The following ANKS1A variants were observed in gnomAD, a reference collection of about 807,000 sequenced individuals.
ANKS1A encodes ankyrin repeat and sterile alpha motif domain containing 1A, also known as ankyrin repeat and SAM domain-containing protein 1A.
ANKS1A carries 55 observed loss-of-function variants against 120.3 expected under a neutral mutation model. The ratio of observed to expected loss-of-function variants is 0.46; its 90% CI spans 0.37 to 0.57. The LOEUF is 0.57. ANKS1A is among the 20% of genes least tolerant of loss of function. The pLI is 0.00. For synonymous variants in ANKS1A, 590 were observed against 604.7 expected (o/e 0.98, Z 0.36); for missense variants, 1,123 against 1,480.3 (o/e 0.76, Z 3.96).
At chr6:35,073,697 A>C (rs143960751) in intron 13 of ANKS1A, among the ~76,000 whole-genome samples, 6 of 152,362 alleles carry the variant, frequency 3.9e-5, no homozygotes, top group Non-Finnish European at 5.9e-5. Flanking sequence ...CTAATTATAG[A>C]AGTGTCCTGC....
intron 1 of ANKS1A, among the ~76,000 whole-genome samples, chr6:34,919,127 C>T (rs534784955): frequency 2.8e-4 from 42 of 152,358 alleles, no homozygotes; most frequent in African/African-American, 9.4e-4. Context: ...GCTGGGATTA[C>T]AGGCATGAGT....
intron 1 of ANKS1A, among the ~76,000 whole-genome samples, chr6:34,904,386 A>C (rs1767529521): frequency 1.3e-5 from 2 of 152,104 alleles, no homozygotes; most frequent in Non-Finnish European, 2.9e-5. Context: ...TCGAGGGCTA[A>C]CTGTATTATG....
intron 1 of ANKS1A, among the ~76,000 whole-genome samples, chr6:34,935,700 G>A (rs1769211888): frequency 6.6e-6 from 1 of 152,160 alleles, no homozygotes; most frequent in South Asian, 2.1e-4. Flanking sequence ...GGTACTTAAC[G>A]TGTTCAGCTG....
intron 12 of ANKS1A, 58 bp downstream of exon 12, chr6:35,054,223 C>T: frequency 1.3e-6 from 2 of 1,529,222 alleles, no homozygotes; most frequent in Non-Finnish European, 9.1e-7. Context: ...TCTTTTCTGG[C>T]TCAGGCTTTC....
chr6:35,011,296 A>G (rs1773745042), intron 10 of ANKS1A, among the ~76,000 whole-genome samples: 1 of 152,234 alleles, frequency 6.6e-6, no homozygotes, highest in Non-Finnish European at 1.5e-5. Flanking sequence ...ATGAATACCC[A>G]CTACAAGAAC....
At chr6:35,029,649 C>T (rs912280376) in intron 11 of ANKS1A, among the ~76,000 whole-genome samples, 1 of 151,154 alleles carries the variant, frequency 6.6e-6, no homozygotes, top group Admixed American at 6.6e-5. Flanking sequence ...GGCGCCCAGT[C>T]GACTTCTGCA....
At chr6:34,956,953 C>T (rs531644538) in intron 1 of ANKS1A, among the ~76,000 whole-genome samples, 17 of 152,304 alleles carry the variant, frequency 1.1e-4, no homozygotes, top group African/African-American at 3.6e-4. Flanking sequence ...TTTTCAGCCC[C>T]TCCCCGTCCC....
chr6:34,961,188 C>T (rs1336883733), intron 1 of ANKS1A, among the ~76,000 whole-genome samples: 3 of 152,150 alleles, frequency 2.0e-5, no homozygotes, highest in South Asian at 2.1e-4. Context: ...TTTTGTTTGT[C>T]GGTGAGCAGC....
At chr6:35,047,676 G>A (rs948716851) in intron 11 of ANKS1A, among the ~76,000 whole-genome samples, 3 of 152,218 alleles carry the variant, frequency 2.0e-5, no homozygotes, top group Non-Finnish European at 2.9e-5. Flanking sequence ...ATAACCCAGA[G>A]TTATGTGGCA....
intron 1 of ANKS1A, among the ~76,000 whole-genome samples, chr6:34,945,910 CTCTTTT>C (rs1163070105): frequency 6.6e-6 from 1 of 151,594 alleles, no homozygotes; most frequent in Non-Finnish European, 1.5e-5. Context: ...GTGATGGCTT[CTCTTTT>C]TCTTTTTGAT....
chr6:35,012,723 C>G (rs989179143), intron 10 of ANKS1A, among the ~76,000 whole-genome samples: 8 of 152,208 alleles, frequency 5.3e-5, no homozygotes, highest in Non-Finnish European at 1.0e-4. Flanking sequence ...GCTTCAGTAG[C>G]TCACAGGGTA....
Position 34,899,570 on chromosome 6 carries a change from C to T in ANKS1A, c.197+9971C>T, listed in dbSNP as rs528210990. Among the ~76,000 whole-genome samples, 6 of 152,156 alleles carry T rather than the reference C, an allele frequency of 3.9e-5. No homozygotes were observed. In the East Asian group the frequency reaches 5.8e-4, roughly 15 times the overall value. On this transcript the variant is annotated intron_variant, in intron 1 of 23. Coordinates refer to ENST00000360359, the MANE Select transcript of ANKS1A (RefSeq NM_015245.3). The stretch of plus-strand genomic sequence containing the variant: ...GTCTTGCTATGTTGCCCAGTCTGGA[C>T]GCAAATTTATTTTTTCTTTTAAATT...
At position 35,023,340 on chromosome 6, in the gene ANKS1A, C is replaced by G. The variant is rs190424059; in HGVS notation, c.2010+5281C>G. Among the ~76,000 whole-genome samples the G allele has an allele frequency of 8.3e-4, 126 of 152,292 alleles. 1 individual carries two copies. Among genetic ancestry groups the G allele is most frequent in the African/African-American group, 2.9e-3 (120 of 41,566 alleles). On this transcript the variant is annotated intron_variant, in intron 11 of 23. Transcript: ENST00000360359. ...GATACAGCAGTTTTTGGCACTGTTT[C>G]TATCAACTCTGAGCAAGCATAGATG...
intron 11 of ANKS1A, among the ~76,000 whole-genome samples, chr6:35,021,783 C>T (rs1442768968): frequency 1.3e-5 from 2 of 151,936 alleles, no homozygotes; most frequent in East Asian, 1.9e-4. Context: ...GTCAGGAGTT[C>T]GAGACCAGCC....
intron 11 of ANKS1A, among the ~76,000 whole-genome samples, chr6:35,031,187 G>A (rs1202972582): frequency 6.6e-6 from 1 of 151,912 alleles, no homozygotes; most frequent in Non-Finnish European, 1.5e-5. Context: ...GCTTTATCCT[G>A]TGATTTCTGC....
At chr6:34,920,810 A>G (rs1320894484) in intron 1 of ANKS1A, among the ~76,000 whole-genome samples, 1 of 152,222 alleles carries the variant, frequency 6.6e-6, no homozygotes, top group Admixed American at 6.5e-5. Context: ...TTCATGGCAC[A>G]TAATATTTTC....
chr6:35,080,945 G>T, intron 16 of ANKS1A, 49 bp from the exon 17 acceptor site: 1 of 1,586,600 alleles, frequency 6.3e-7, no homozygotes. Context: ...CCTGTAGTCG[G>T]GCACTGGGCC....
intron 3 of ANKS1A, among the ~76,000 whole-genome samples, chr6:34,974,644 C>T (rs1022288244): frequency 1.3e-5 from 2 of 151,956 alleles, no homozygotes; most frequent in Non-Finnish European, 2.9e-5. Flanking sequence ...TTCTGGGGTG[C>T]GACTTATTAG....
chr6:35,088,282 A>G (rs995823714), intron 23 of ANKS1A, among the ~76,000 whole-genome samples: 16 of 152,242 alleles, frequency 1.1e-4, no homozygotes, highest in African/African-American at 3.9e-4. Flanking sequence ...GGCAGGAGAC[A>G]GGAAGGAAGC....
Sources: gnomAD v4.1 joint callset for allele counts (sites outside exome capture counted in the v4.1 genomes callset) on GRCh38, gnomAD v4.1.1 for gene constraint, MANE v1.5 for transcripts, NCBI Gene and HGNC (gene_info 2026-07-23, HGNC 2026-07-21) for gene names.